The following ST13 variants were observed in gnomAD, a reference collection of about 807,000 sequenced individuals.
The protein encoded by ST13 is ST13 Hsp70 interacting protein.
A neutral mutation model predicts 56.7 loss-of-function variants in ST13; 23 were observed. That is an observed-to-expected ratio of 0.41 (90% CI 0.29 to 0.57). The LOEUF (loss-of-function observed/expected upper bound fraction) is 0.57. Ranked by LOEUF, ST13 falls within the 20% of genes least tolerant of loss-of-function variation. The probability of loss-of-function intolerance (pLI) is 0.36; values close to 1 mark genes in which losing one functional copy is unlikely to be tolerated. For missense variants in ST13, 369 were observed against 459.9 expected, an observed-to-expected ratio of 0.80 and a Z score of 1.81; for synonymous variants, 132 against 142.4, an observed-to-expected ratio of 0.93 and a Z score of 0.52.
At chr22:40,827,746 C>T (rs1483927127) in intron 10 of ST13, among the ~76,000 whole-genome samples, 3 of 152,064 alleles carry the variant, frequency 2.0e-5, no homozygotes, top group Non-Finnish European at 4.4e-5. Flanking sequence ...GGTGACCTGC[C>T]TGCCTCCCTC....
intron 1 of ST13, among the ~76,000 whole-genome samples, chr22:40,852,257 T>C (rs901305087): frequency 6.6e-6 from 1 of 152,266 alleles, no homozygotes; most frequent in Non-Finnish European, 1.5e-5. Flanking sequence ...AAAGATTTTT[T>C]AGCCATTCTG....
chr22:40,827,104 C>G lies in ST13; in HGVS notation c.973G>C (p.Ala325Pro). ...EILSDPEVLA[A>P]MQDPEVMVAF... ...TTTCTTCCAAGTCTTACCTGCATGG[C>G]TGCAAGAACCTCTGGATCACTAAGA... Residue 325 changes from alanine to proline, a missense_variant, in exon 11 of 12, where the codon GCC becomes CCC. Ala to Pro is a conservative substitution (Grantham distance 27). This residue lies in a region of ST13 where 136 missense variants were observed against 159.2 expected (regional missense o/e 0.85). Transcript: ENST00000216218. 1 of 1,611,832 alleles carries G rather than the reference C, an allele frequency of 6.2e-7. No individual in the cohort carries two copies. The highest frequency in any genetic ancestry group is 8.5e-7 in the Non-Finnish European group (1 of 1,179,784).
rs563086045 is a variant in ST13 at position 40,848,480 on chromosome 22, C to G, written c.169-111G>C. Reference sequence around the variant, plus strand: ...TGTCAAATATGGCCAGGCATGGCGGCTCATGCCTGGAATTCCAGCACTTTG... The same window carrying G: ...TGTCAAATATGGCCAGGCATGGCGGGTCATGCCTGGAATTCCAGCACTTTG... On this transcript the variant is annotated intron_variant, in intron 2 of 11. Coordinates refer to ENST00000216218, the MANE Select transcript of ST13 (RefSeq NM_003932.5). 3 of 762,984 alleles carry G rather than the reference C, an allele frequency of 3.9e-6. No individual in the cohort carries two copies. The Admixed American group carries it at 6.4e-5, about 16-fold the overall frequency. 47.3% of individuals were successfully genotyped at this position (762,984 alleles called of 1,614,324 possible).
chr22:40,829,975 C>T (rs2057746624), intron 9 of ST13, among the ~76,000 whole-genome samples: 1 of 152,140 alleles, frequency 6.6e-6, no homozygotes, highest in Non-Finnish European at 1.5e-5. Context: ...TTAAAACACC[C>T]ATAGGGAAGG....
At chr22:40,842,230 CCTT>C (rs1205280779) in intron 4 of ST13, among the ~76,000 whole-genome samples, 1 of 152,158 alleles carries the variant, frequency 6.6e-6, no homozygotes, top group Non-Finnish European at 1.5e-5. Context: ...GAAGCAATCA[CCTT>C]CTTACCTAGG....
rs552357300 is a variant in ST13 at position 40,856,590 on chromosome 22, C to T, written c.-50G>A. 1.3e-6 allele frequency: 2 copies of T among 1,516,524 alleles called. No individual in the cohort carries two copies. Among genetic ancestry groups the T allele is most frequent in the African/African-American group, 1.4e-5 (1 of 73,096 alleles). The allele number at this position is 1,516,524 out of a possible 1,614,324, so 93.9% of individuals were successfully genotyped here. A position where few individuals can be genotyped will look rare whatever the true frequency, so the allele number is the denominator to read the frequency against. ...GGGGGGGCTACGGCCCGGTTCCAGG[C>T]CCAGGCGCTGGCTCGGCGTGACCGC... is the stretch of plus-strand genomic sequence containing the variant. On this transcript the variant is annotated 5_prime_UTR_variant, in exon 1 of 12. Coordinates refer to ENST00000216218, the MANE Select transcript of ST13 (RefSeq NM_003932.5).
At chr22:40,841,662 A>G in intron 4 of ST13, among the ~76,000 whole-genome samples, 1 of 152,202 alleles carries the variant, frequency 6.6e-6, no homozygotes, top group East Asian at 1.9e-4. Flanking sequence ...GCTCCGGTGC[A>G]GTGGTGCAAT....
chr22:40,846,308 T>C (rs1290771863), intron 3 of ST13, among the ~76,000 whole-genome samples: 16 of 152,342 alleles, frequency 1.1e-4, no homozygotes, highest in African/African-American at 3.8e-4. Flanking sequence ...ACCCATCATA[T>C]TAATAACTAT....
chr22:40,828,200 T>C (rs1263053345), intron 10 of ST13, among the ~76,000 whole-genome samples: 4 of 152,204 alleles, frequency 2.6e-5, no homozygotes, highest in Non-Finnish European at 4.4e-5. Context: ...AAAAAGGATT[T>C]TATTCTCTCA....
intron 1 of ST13, among the ~76,000 whole-genome samples, chr22:40,855,666 G>C (rs764419279): frequency 6.6e-6 from 1 of 152,068 alleles, no homozygotes; most frequent in African/African-American, 2.4e-5. Context: ...CTATTATATA[G>C]TAAATATCAA....
rs776236583 is a variant in ST13 at position 40,835,661 on chromosome 22, G to C, written c.477C>G (p.Val159=). 5.6e-6 allele frequency: 9 copies of C among 1,613,532 alleles called. No homozygotes were observed. Among genetic ancestry groups the C allele is most frequent in the Admixed American group, 5.0e-5 (3 of 59,994 alleles). Residue 159 remains valine (V), a synonymous_variant, in exon 7 of 12, where the codon GTC becomes GTG. Coordinates refer to ENST00000216218, the MANE Select transcript of ST13 (RefSeq NM_003932.5). ...ILYAKRASVF[V]KLQKPNAAIR... ...TGGCAGCATTTGGCTTCTGTAATTT[G>C]ACGAAGACACTGAAAAATAAGTGTG...
At chr22:40,828,280 C>T (rs1568998038) in intron 10 of ST13, among the ~76,000 whole-genome samples, 3 of 152,086 alleles carry the variant, frequency 2.0e-5, no homozygotes, top group South Asian at 4.1e-4. Flanking sequence ...TGTATGTCTA[C>T]TGGAGATATT....
intron 8 of ST13, 25 bp downstream of exon 8, chr22:40,832,544 T>C (rs1395908055): frequency 1.3e-6 from 2 of 1,559,178 alleles, no homozygotes; most frequent in Non-Finnish European, 8.8e-7. Context: ...AACTAATGAC[T>C]TTCCCTTTCT....
chr22:40,834,284 A>G (rs6002174), intron 7 of ST13, among the ~76,000 whole-genome samples: 5 of 152,310 alleles, frequency 3.3e-5, no homozygotes, highest in African/African-American at 1.2e-4. Flanking sequence ...GACTCTGTGT[A>G]GAAACAAAAG....
intron 7 of ST13, among the ~76,000 whole-genome samples, chr22:40,834,707 C>G (rs1164320731): frequency 6.6e-6 from 1 of 152,140 alleles, no homozygotes; most frequent in Non-Finnish European, 1.5e-5. Context: ...AAGCAAAGCA[C>G]AAGATGAGCC....
At chr22:40,834,780 C>G (rs2057769803) in intron 7 of ST13, among the ~76,000 whole-genome samples, 2 of 152,230 alleles carry the variant, frequency 1.3e-5, no homozygotes, top group Non-Finnish European at 2.9e-5. Flanking sequence ...AAAGGATCAA[C>G]AGCAATGCAT....
At chr22:40,844,755 G>A (rs1000590475) in intron 4 of ST13, 84 bp downstream of exon 4, 12 of 1,178,704 alleles carry the variant, frequency 1.0e-5, no homozygotes, top group Non-Finnish European at 1.5e-5. Flanking sequence ...GCTTTTCCTG[G>A]AAGAATCGTG....
intron 3 of ST13, among the ~76,000 whole-genome samples, chr22:40,847,505 C>T (rs911498446): frequency 1.4e-5 from 2 of 145,676 alleles, no homozygotes; most frequent in South Asian, 4.3e-4. Context: ...GCTGAGATCA[C>T]ACTGCTGCAC....
intron 5 of ST13, 128 bp downstream of exon 5, chr22:40,840,498 G>A: frequency 4.1e-6 from 3 of 735,514 alleles, no homozygotes; most frequent in Non-Finnish European, 6.8e-6. Context: ...AGGGGTGACT[G>A]GATAATAGGA....
Sources: allele counts gnomAD v4.1 joint callset (sites outside exome capture counted in the v4.1 genomes callset), GRCh38; gene constraint gnomAD v4.1.1; regional missense constraint gnomAD v4.1.1; transcripts MANE v1.5; gene names NCBI Gene and HGNC (gene_info 2026-07-23, HGNC 2026-07-21).